Variants in LRBA observed in about 807,000 individuals in gnomAD.
The protein encoded by LRBA is lipopolysaccharide-responsive and beige-like anchor protein.
Under a neutral mutation model 330.0 loss-of-function variants are expected in LRBA, and 176 were observed. The observed-to-expected ratio is 0.53, with a 90% CI of 0.47 to 0.60. LRBA has a LOEUF of 0.60. LRBA is among the 20% of genes least tolerant of loss of function. The probability of loss-of-function intolerance (pLI) is 0.00; values close to 1 mark genes in which losing one functional copy is unlikely to be tolerated. For missense variants in LRBA, 3,259 were observed against 3,444.8 expected, an observed-to-expected ratio of 0.95 and a Z score of 1.35; for synonymous variants, 1,230 against 1,193.0, an observed-to-expected ratio of 1.03 and a Z score of -0.64.
intron 37 of LRBA, among the ~76,000 whole-genome samples, chr4:150,624,818 C>G (rs941691090): frequency 3.3e-5 from 5 of 152,058 alleles, no homozygotes; most frequent in Non-Finnish European, 7.4e-5. Flanking sequence ...TAAATATGTA[C>G]AACTTTTGTC....
At chr4:150,775,140 C>G (rs1737093580) in intron 34 of LRBA, among the ~76,000 whole-genome samples, 1 of 152,098 alleles carries the variant, frequency 6.6e-6, no homozygotes, top group Non-Finnish European at 1.5e-5. Flanking sequence ...TCTAATTGAC[C>G]AGCTGTAGTT....
chr4:150,968,857 A>G (rs1739203881), intron 2 of LRBA, among the ~76,000 whole-genome samples: 1 of 152,216 alleles, frequency 6.6e-6, no homozygotes, highest in South Asian at 2.1e-4. Context: ...AGCTTCATAG[A>G]ACAGGCAGAC....
rs201244550 is a variant in LRBA at position 150,721,001 on chromosome 4, T to A, written c.5754+14257A>T. On this transcript the variant is annotated intron_variant, in intron 36 of 56. Transcript: ENST00000651943. ...CAGTCATGGCACAGAAAGAGGGAGATGTTAGAGATTACAATTTGACTGAGG... is the reference window on the plus strand; with the variant it reads ...CAGTCATGGCACAGAAAGAGGGAGAAGTTAGAGATTACAATTTGACTGAGG... 88 of 524,798 alleles carry A rather than the reference T, an allele frequency of 1.7e-4. 1 individual carries two copies. The Middle Eastern group carries it at 2.4e-3, about 15-fold the overall frequency. The allele number at this position is 524,798 out of a possible 1,614,324, so 32.5% of individuals were successfully genotyped here.
chr4:150,612,774 A>G (rs1164311206), intron 37 of LRBA, among the ~76,000 whole-genome samples: 1 of 152,200 alleles, frequency 6.6e-6, no homozygotes, highest in Non-Finnish European at 1.5e-5. Flanking sequence ...TTAAAATCTA[A>G]TAAATGGGAT....
At chr4:150,989,772 T>G (rs1453994592) in intron 2 of LRBA, among the ~76,000 whole-genome samples, 1 of 151,316 alleles carries the variant, frequency 6.6e-6, no homozygotes, top group East Asian at 1.9e-4. Context: ...AGACAATGAC[T>G]GGTAAAGGGG....
chr4:150,783,504 T>A (rs980054873), intron 34 of LRBA, among the ~76,000 whole-genome samples: 3 of 152,206 alleles, frequency 2.0e-5, no homozygotes, highest in African/African-American at 7.2e-5. Flanking sequence ...AAGAATAAAC[T>A]GACAAGCCAG....
chr4:150,895,799 AGT>A (rs1461154972), intron 16 of LRBA, among the ~76,000 whole-genome samples: 1 of 152,202 alleles, frequency 6.6e-6, no homozygotes, highest in Non-Finnish European at 1.5e-5. Context: ...GTATATACCC[AGT>A]AATGGGATGG....
chr4:150,624,806 C>T (rs1019040262), intron 37 of LRBA, among the ~76,000 whole-genome samples: 17 of 152,042 alleles, frequency 1.1e-4, no homozygotes, highest in African/African-American at 4.1e-4. Flanking sequence ...TTATATTGTA[C>T]ATAAATATGT....
chr4:150,894,311 G>A (rs112040772), intron 16 of LRBA, among the ~76,000 whole-genome samples: 6 of 152,104 alleles, frequency 3.9e-5, no homozygotes, highest in Non-Finnish European at 7.4e-5. Flanking sequence ...AATGATAACC[G>A]GATCATTTTC....
At chr4:150,313,215 A>C (rs1731285864) in intron 51 of LRBA, among the ~76,000 whole-genome samples, 1 of 152,100 alleles carries the variant, frequency 6.6e-6, no homozygotes, top group South Asian at 2.1e-4. Context: ...AAAAGTAATA[A>C]TGTGAAATTT....
intron 34 of LRBA, among the ~76,000 whole-genome samples, chr4:150,792,404 G>A (rs1740083495): frequency 6.6e-6 from 1 of 152,152 alleles, no homozygotes; most frequent in Non-Finnish European, 1.5e-5. Context: ...GGAAATTTGA[G>A]GATTAAAATG....
chr4:150,851,945 C>A lies in LRBA; in HGVS notation c.3765G>T (p.Arg1255Ser). The change falls in exon 23 of 57, where the codon AGG (arginine) becomes AGT (serine). Residue 1255 changes from arginine to serine, a missense_variant. By Grantham distance (110) the Arg-to-Ser change is moderately radical. Transcript: ENST00000651943. The part of the protein sequence containing the change: ...DVSNVATDTE[R>S]LELKASPNVE... ...CGTTGGGACTGGCCTTCAACTCCAGCCTCTCAGTATCTGTAGCAACATTGG... is the reference window on the plus strand; with the variant it reads ...CGTTGGGACTGGCCTTCAACTCCAGACTCTCAGTATCTGTAGCAACATTGG... 6.2e-7 allele frequency: 1 copy of A among 1,614,116 alleles called. No homozygotes were observed. The highest frequency in any genetic ancestry group is 8.5e-7 in the Non-Finnish European group (1 of 1,179,988).
At chr4:150,389,530 G>A (rs945435459) in intron 47 of LRBA, among the ~76,000 whole-genome samples, 4 of 151,604 alleles carry the variant, frequency 2.6e-5, no homozygotes, top group African/African-American at 7.3e-5. Context: ...AACACATGGC[G>A]AAACCCCATC....
chr4:150,313,767 G>A (rs1731364848), intron 51 of LRBA, among the ~76,000 whole-genome samples: 1 of 150,540 alleles, frequency 6.6e-6, no homozygotes, highest in South Asian at 2.1e-4. Flanking sequence ...TATTTTCATA[G>A]ATTGAGATAT....
chr4:150,282,404 G>T, intron 55 of LRBA, 46 bp downstream of exon 55: 1 of 1,541,688 alleles, frequency 6.5e-7, no homozygotes, highest in Non-Finnish European at 8.9e-7. Context: ...CTTGACACAC[G>T]TTGAGGTAAA....
At chr4:150,345,466 C>T (rs1736158866) in intron 48 of LRBA, among the ~76,000 whole-genome samples, 1 of 152,094 alleles carries the variant, frequency 6.6e-6, no homozygotes, top group East Asian at 1.9e-4. Flanking sequence ...AGTTCATATT[C>T]CTTTTATAGC....
rs760614212 is a variant in LRBA, at chr4:150,683,723, A to G, written c.5755-6T>C. The G allele has an allele frequency of 1.9e-6, 3 of 1,574,978 alleles. No homozygotes were observed. The South Asian group carries it at 3.6e-5, about 19-fold the overall frequency. On this transcript the variant is annotated splice_region_variant and splice_polypyrimidine_tract_variant and intron_variant, in intron 36 of 56. Coordinates refer to ENST00000651943, the MANE Select transcript of LRBA (RefSeq NM_001364905.1). ...GAATACTGGGCACACAGTGACTTGG[A>G]GAGAAAAAAAAATAATACTATAAAA... is the stretch of plus-strand genomic sequence containing the variant.
chr4:151,003,045 CGTGT>C (rs35823392), intron 2 of LRBA, among the ~76,000 whole-genome samples: 3,062 of 146,274 alleles, frequency 0.021, 43 homozygotes, highest in Non-Finnish European at 0.031. Context: ...TATGTGTTTG[CGTGT>C]GTGTGTGTGT....
chr4:150,349,570 A>AC (rs760170752), intron 48 of LRBA, among the ~76,000 whole-genome samples: 5 of 151,914 alleles, frequency 3.3e-5, no homozygotes, highest in African/African-American at 4.8e-5. Flanking sequence ...TTGGACTTCA[A>AC]CCCCCCCATT....
Sources: gnomAD v4.1 joint callset for allele counts (sites outside exome capture counted in the v4.1 genomes callset) on GRCh38, gnomAD v4.1.1 for gene constraint, MANE v1.5 for transcripts, NCBI Gene and HGNC (gene_info 2026-07-23, HGNC 2026-07-21) for gene names.